DLG2: variants seen among roughly 807,000 people sequenced by gnomAD.
DLG2 encodes discs large MAGUK scaffold protein 2.
DLG2 carries 45 observed loss-of-function variants against 132.5 expected under a neutral mutation model. That is an observed-to-expected ratio of 0.34 (90% CI 0.27 to 0.44). DLG2 has a LOEUF of 0.44. Ranked by LOEUF, DLG2 falls within the 20% of genes least tolerant of loss-of-function variation. The pLI, the probability that DLG2 is intolerant of heterozygous loss-of-function variation, is 1.00. For synonymous variants in DLG2, 424 were observed against 419.6 expected (o/e 1.01, Z -0.13); for missense variants, 1,045 against 1,196.9 (o/e 0.87, Z 1.87).
intron 3 of DLG2, among the ~76,000 whole-genome samples, chr11:85,483,378 G>T (rs889734176): frequency 2.0e-5 from 3 of 152,116 alleles, no homozygotes; most frequent in Non-Finnish European, 2.9e-5. Context: ...ATCTAGCAAA[G>T]CTGTTTTTCA....
At chr11:84,315,813 T>C (rs2154394645) in intron 7 of DLG2, among the ~76,000 whole-genome samples, 1 of 152,274 alleles carries the variant, frequency 6.6e-6, no homozygotes, top group South Asian at 2.1e-4. Flanking sequence ...TTGGAAGTAC[T>C]TTTTAAAAAC....
At chr11:84,791,092 T>C (rs1598222737) in intron 6 of DLG2, among the ~76,000 whole-genome samples, 1 of 152,128 alleles carries the variant, frequency 6.6e-6, no homozygotes, top group South Asian at 2.1e-4. Flanking sequence ...TGGTGGCAGG[T>C]GAGATCGAGT....
chr11:84,850,337 A>C lies in DLG2; in HGVS notation c.357+261324T>G, dbSNP rs756317929. Among the ~76,000 whole-genome samples the C allele has an allele frequency of 3.3e-5, 5 of 151,870 alleles. No homozygotes were observed. In the South Asian group the frequency reaches 1.0e-3, roughly 32 times the overall value. ...TAGAGGAGGAAGAGTCTGAATTGCT[A>C]AATGACTAGCTGTAGCGGACCTTAC... On this transcript the variant is annotated intron_variant, in intron 6 of 27. Transcript: ENST00000376104.
intron 4 of DLG2, among the ~76,000 whole-genome samples, chr11:85,238,790 T>C (rs1345852072): frequency 2.6e-5 from 4 of 152,036 alleles, no homozygotes; most frequent in African/African-American, 9.7e-5. Flanking sequence ...AGGTTTTTCA[T>C]GCCTGCTGGT....
At chr11:83,684,009 T>C (rs147486509) in intron 18 of DLG2, among the ~76,000 whole-genome samples, 80 of 152,198 alleles carry the variant, frequency 5.3e-4, no homozygotes, top group Admixed American at 2.0e-3. Context: ...ATGTCTGCTA[T>C]CCACTGTGAG....
At chr11:84,873,581 C>T (rs1827239252) in intron 6 of DLG2, among the ~76,000 whole-genome samples, 2 of 152,218 alleles carry the variant, frequency 1.3e-5, no homozygotes, top group African/African-American at 4.8e-5. Flanking sequence ...CCATACAATC[C>T]TGTGTCAGGT....
At chr11:85,460,220 C>T (rs1053690757) in intron 3 of DLG2, among the ~76,000 whole-genome samples, 4 of 152,130 alleles carry the variant, frequency 2.6e-5, no homozygotes, top group East Asian at 1.9e-4. Flanking sequence ...GAAGGGAGCC[C>T]GACCTCTCCT....
intron 7 of DLG2, among the ~76,000 whole-genome samples, chr11:84,382,851 G>A (rs116488421): frequency 4.8e-4 from 71 of 149,418 alleles, no homozygotes; most frequent in African/African-American, 1.6e-3. Context: ...CAGTCTAGGC[G>A]ACAGAGCGAG....
chr11:85,018,631 C>T (rs1277923880), intron 6 of DLG2, among the ~76,000 whole-genome samples: 2 of 152,108 alleles, frequency 1.3e-5, no homozygotes, highest in Non-Finnish European at 2.9e-5. Context: ...ACTCTCTCAT[C>T]CCACAAAATC....
At chr11:84,443,108 T>C (rs2099022511) in intron 7 of DLG2, among the ~76,000 whole-genome samples, 1 of 152,068 alleles carries the variant, frequency 6.6e-6, no homozygotes, top group African/African-American at 2.4e-5. Context: ...AGCCTATATC[T>C]TTTTCTCCTC....
chr11:83,971,203 CAT>C (rs778242217), intron 12 of DLG2, among the ~76,000 whole-genome samples: 13 of 152,010 alleles, frequency 8.6e-5, no homozygotes, highest in Non-Finnish European at 8.8e-5. Flanking sequence ...GGAAAAAAAT[CAT>C]GTGAATTTGA....
intron 6 of DLG2, among the ~76,000 whole-genome samples, chr11:85,014,163 C>A (rs1490997425): frequency 1.3e-5 from 2 of 152,146 alleles, no homozygotes; most frequent in African/African-American, 4.8e-5. Context: ...TATGGCTTCA[C>A]TCAAATCCAG....
At chr11:84,547,237 A>G (rs1480100309) in intron 6 of DLG2, among the ~76,000 whole-genome samples, 1 of 152,194 alleles carries the variant, frequency 6.6e-6, no homozygotes, top group Non-Finnish European at 1.5e-5. Flanking sequence ...ATTATAAAAA[A>G]TTGGAAGAAT....
intron 8 of DLG2, among the ~76,000 whole-genome samples, chr11:84,227,905 C>T (rs1217619413): frequency 7.4e-6 from 1 of 135,704 alleles, no homozygotes; most frequent in East Asian, 2.3e-4. Context: ...CAGAGTGAGA[C>T]TCCATCTCAA....
At chr11:84,619,223 T>C (rs965304359) in intron 6 of DLG2, among the ~76,000 whole-genome samples, 4 of 151,858 alleles carry the variant, frequency 2.6e-5, no homozygotes, top group African/African-American at 4.8e-5. Context: ...AAGAAAGAAT[T>C]CTTAGGGAAA....
chr11:84,535,068 G>C (rs539703038), intron 6 of DLG2, among the ~76,000 whole-genome samples: 10 of 152,140 alleles, frequency 6.6e-5, no homozygotes, highest in Non-Finnish European at 1.3e-4. Flanking sequence ...GACCAGAGTA[G>C]CTAAGTATGT....
intron 7 of DLG2, among the ~76,000 whole-genome samples, chr11:84,506,413 C>G (rs1051967534): frequency 6.6e-6 from 1 of 151,980 alleles, no homozygotes; most frequent in African/African-American, 2.4e-5. Context: ...TATGTGAGGA[C>G]GGAAGCACAG....
intron 3 of DLG2, among the ~76,000 whole-genome samples, chr11:85,541,315 T>C (rs2075954368): frequency 6.6e-6 from 1 of 152,072 alleles, no homozygotes; most frequent in African/African-American, 2.4e-5. Flanking sequence ...TCTATTTATA[T>C]ACTAGGTCAT....
intron 3 of DLG2, among the ~76,000 whole-genome samples, chr11:85,587,446 C>T (rs78960557): frequency 0.036 from 5,517 of 152,190 alleles, 154 homozygotes; most frequent in Admixed American, 0.052. Flanking sequence ...TTTATCATTA[C>T]ATAATGTCTC....
Sources: gnomAD v4.1 joint callset for allele counts (sites outside exome capture counted in the v4.1 genomes callset) on GRCh38, gnomAD v4.1.1 for gene constraint, MANE v1.5 for transcripts, NCBI Gene and HGNC (gene_info 2026-07-23, HGNC 2026-07-21) for gene names.